The following NUFIP1 variants were observed in gnomAD, a reference collection of about 807,000 sequenced individuals.
NUFIP1 encodes FMR1-interacting protein NUFIP1.
A neutral mutation model predicts 56.2 loss-of-function variants in NUFIP1; 38 were observed. The ratio of observed to expected loss-of-function variants is 0.68; its 90% CI spans 0.52 to 0.89. NUFIP1 has a LOEUF of 0.89. Among genes scored for constraint, NUFIP1 ranks in the 40% least tolerant of loss-of-function variants. The pLI is 0.00. For synonymous variants in NUFIP1, 215 were observed against 212.4 expected, an observed-to-expected ratio of 1.01 and a Z score of -0.10; for missense variants, 567 against 605.8, an observed-to-expected ratio of 0.94 and a Z score of 0.67.
chr13:44,959,410 G>A lies in NUFIP1; in HGVS notation c.992C>T (p.Pro331Leu), dbSNP rs1871345120. Reference protein sequence around the residue: ...LEGPPEANADPLGVLINSDSE... With the variant: ...LEGPPEANADLLGVLINSDSE... ...ATCACTGTTTATCAAAACACCAAGA[G>A]GATCTGCATTTGCCTCCGGTGGACC... is the stretch of plus-strand genomic sequence containing the variant. Residue 331 changes from proline to leucine, a missense_variant, in exon 7 of 10, where the codon CCT (proline) becomes CTT (leucine). Pro to Leu is a moderately conservative substitution (Grantham distance 98). Coordinates refer to ENST00000379161, the MANE Select transcript of NUFIP1 (RefSeq NM_012345.3). 1.2e-5 allele frequency: 19 copies of A among 1,613,662 alleles called. No individual in the cohort carries two copies. The highest frequency in any genetic ancestry group is 1.5e-5 in the Non-Finnish European group (18 of 1,179,968).
Position 44,949,812 on chromosome 13 carries a change from G to A in NUFIP1, c.1048C>T (p.His350Tyr), listed in dbSNP as rs570355330. ...GTCACTTCCTTGGGTATCACAGAAT[G>A]TTGTGGTTTCTCCTCCTTATCAGAC... ...SESDKEEKPQ[H>Y]SVIPKEVTPA... The change falls in exon 8 of 10, where the codon CAT becomes TAT. Residue 350 changes from histidine (H) to tyrosine (Y), a missense_variant. By Grantham distance (83) the His-to-Tyr change is moderately conservative. Coordinates refer to ENST00000379161, the MANE Select transcript of NUFIP1 (RefSeq NM_012345.3). 6.2e-7 allele frequency: 1 copy of A among 1,614,058 alleles called. No homozygotes were observed. Among genetic ancestry groups the A allele is most frequent in the African/African-American group, 1.3e-5 (1 of 75,048 alleles).
chr13:44,955,218 C>T (rs185675482), intron 7 of NUFIP1, among the ~76,000 whole-genome samples: 18 of 152,242 alleles, frequency 1.2e-4, no homozygotes, highest in African/African-American at 3.9e-4. Context: ...AAAAAATATG[C>T]TAGTAAGGAA....
At chr13:44,943,896 AG>A (rs1870831272) in intron 8 of NUFIP1, among the ~76,000 whole-genome samples, 1 of 152,192 alleles carries the variant, frequency 6.6e-6, no homozygotes, top group African/African-American at 2.4e-5. Flanking sequence ...TACCATGAAG[AG>A]CTACAGAAAG....
chr13:44,978,658 G>C (rs1872073253), intron 5 of NUFIP1, among the ~76,000 whole-genome samples: 1 of 152,102 alleles, frequency 6.6e-6, no homozygotes. Flanking sequence ...TCATTGTTAA[G>C]AACAAGCACC....
At chr13:44,965,284 G>A (rs1871558395) in intron 6 of NUFIP1, among the ~76,000 whole-genome samples, 1 of 152,198 alleles carries the variant, frequency 6.6e-6, no homozygotes, top group East Asian at 1.9e-4. Flanking sequence ...ACGTGGAACT[G>A]TAAGTCCAGT....
Position 44,982,167 on chromosome 13 carries a change from AGATCC to A in NUFIP1, c.413-18_413-14del. 1.0e-5 allele frequency: 13 copies of A among 1,242,602 alleles called. No individual in the cohort carries two copies. The highest frequency in any genetic ancestry group is 1.4e-5 in the Non-Finnish European group (13 of 909,266). 77.0% of individuals were successfully genotyped at this position (1,242,602 alleles called of 1,614,324 possible). ...TAAGAATTTTTAACTAAAAAAAAAA[AGATCC>A]ATAAATGTTTGCAACAATGTAATTA... On this transcript the variant is annotated splice_polypyrimidine_tract_variant and intron_variant, in intron 1 of 9. Coordinates refer to ENST00000379161, the MANE Select transcript of NUFIP1 (RefSeq NM_012345.3).
chr13:44,947,529 G>A lies in NUFIP1; in HGVS notation c.1138+2193C>T, dbSNP rs908316661. Among the ~76,000 whole-genome samples, 7 of 152,130 alleles carry A rather than the reference G, an allele frequency of 4.6e-5. No homozygotes were observed. In the South Asian group the frequency reaches 6.2e-4, roughly 14 times the overall value. ...GCTGGGATTGCAGACATGAGCCACC[G>A]TGCCCGACCAAGCTTATCCTTTCTA... On this transcript the variant is annotated intron_variant, in intron 8 of 9. Coordinates refer to ENST00000379161, the MANE Select transcript of NUFIP1 (RefSeq NM_012345.3).
chr13:44,945,341 A>C (rs554948449), intron 8 of NUFIP1, among the ~76,000 whole-genome samples: 1 of 152,148 alleles, frequency 6.6e-6, no homozygotes, highest in African/African-American at 2.4e-5. Context: ...TCCTGGACCT[A>C]TTAATGAAAT....
chr13:44,982,029 C>A, intron 2 of NUFIP1, 43 bp downstream of exon 2: 1 of 1,069,942 alleles, frequency 9.3e-7, no homozygotes, highest in Non-Finnish European at 1.3e-6. Flanking sequence ...GAAACAGTAA[C>A]ATAGGGACCA....
intron 6 of NUFIP1, among the ~76,000 whole-genome samples, chr13:44,963,474 G>C (rs1871493844): frequency 6.6e-6 from 1 of 152,182 alleles, no homozygotes; most frequent in South Asian, 2.1e-4. Context: ...AGGTGGGGGA[G>C]TGATCACTAT....
chr13:44,979,380 A>G, intron 4 of NUFIP1, 114 bp from the exon 5 acceptor site: 1 of 749,016 alleles, frequency 1.3e-6, no homozygotes, highest in East Asian at 2.6e-5. Context: ...AAAACCAAGT[A>G]AGCAGGTTGT....
chr13:44,976,077 A>G (rs1304098929), intron 5 of NUFIP1, among the ~76,000 whole-genome samples: 1 of 152,180 alleles, frequency 6.6e-6, no homozygotes, highest in Admixed American at 6.5e-5. Context: ...GACTGACACC[A>G]ATAAGTTGAA....
chr13:44,945,912 G>C (rs1266806149), intron 8 of NUFIP1, among the ~76,000 whole-genome samples: 2 of 152,060 alleles, frequency 1.3e-5, no homozygotes, highest in Non-Finnish European at 2.9e-5. Flanking sequence ...ACATAGGACT[G>C]AATGTAGAAA....
chr13:44,965,867 TG>T lies in NUFIP1; in HGVS notation c.803del (p.Ala268GlufsTer3). 6.2e-7 allele frequency: 1 copy of T among 1,601,008 alleles called. No individual in the cohort carries two copies. Among genetic ancestry groups the T allele is most frequent in the South Asian group, 1.1e-5 (1 of 88,292 alleles). ...KLKLEKEKRG[A>X]VLTTTQYGKM... The stretch of plus-strand genomic sequence containing the variant: ...ACCCATATTGTGTTGTTGTCAATAC[TG>T]CTCCTCTCTTCTCCTTTTCAAGTTT... On this transcript the variant is annotated frameshift_variant, in exon 6 of 10. Coordinates refer to ENST00000379161, the MANE Select transcript of NUFIP1 (RefSeq NM_012345.3). LOFTEE classifies it high-confidence loss of function.
At chr13:44,951,123 A>G (rs888323893) in intron 7 of NUFIP1, among the ~76,000 whole-genome samples, 1 of 152,162 alleles carries the variant, frequency 6.6e-6, no homozygotes, top group Non-Finnish European at 1.5e-5. Context: ...AAGCTAAGTT[A>G]CCTTTACTCC....
intron 7 of NUFIP1, among the ~76,000 whole-genome samples, chr13:44,957,150 G>C (rs1326792230): frequency 6.6e-6 from 1 of 152,090 alleles, no homozygotes; most frequent in African/African-American, 2.4e-5. Context: ...TCCCATCCTT[G>C]ACCCTCATTA....
At chr13:44,964,623 A>G (rs1016740975) in intron 6 of NUFIP1, among the ~76,000 whole-genome samples, 15 of 152,162 alleles carry the variant, frequency 9.9e-5, no homozygotes, top group African/African-American at 3.6e-4. Flanking sequence ...CTACAGAAAG[A>G]GAGAGAACTC....
At chr13:44,943,397 T>C (rs1173117096) in intron 9 of NUFIP1, 45 bp downstream of exon 9, 1 of 1,535,702 alleles carries the variant, frequency 6.5e-7, no homozygotes, top group Non-Finnish European at 9.0e-7. Flanking sequence ...TCTATCTTTA[T>C]GATGTGAGAA....
chr13:44,968,336 C>T (rs1276188918), intron 5 of NUFIP1, among the ~76,000 whole-genome samples: 1 of 148,014 alleles, frequency 6.8e-6, no homozygotes, highest in Non-Finnish European at 1.5e-5. Flanking sequence ...CCAGGATACT[C>T]AAAAGCAGTC....
Sources: allele counts gnomAD v4.1 joint callset (sites outside exome capture counted in the v4.1 genomes callset), GRCh38; gene constraint gnomAD v4.1.1; transcripts MANE v1.5; gene names NCBI Gene and HGNC (gene_info 2026-07-23, HGNC 2026-07-21).